CUBN: variants seen among roughly 807,000 people sequenced by gnomAD.
The protein encoded by CUBN is cubilin, also known as 460 kDa receptor.
In CUBN, 282 loss-of-function variants were observed where a neutral mutation model predicts 405.3. The ratio of observed to expected loss-of-function variants is 0.70; its 90% CI spans 0.63 to 0.77. The LOEUF (loss-of-function observed/expected upper bound fraction) is 0.77. Ranked by LOEUF, CUBN falls within the 30% of genes least tolerant of loss-of-function variation. The probability of loss-of-function intolerance (pLI) is 0.00; values close to 1 mark genes in which losing one functional copy is unlikely to be tolerated. For missense variants in CUBN, 4,514 were observed against 4,475.2 expected (o/e 1.01, Z -0.25); for synonymous variants, 1,684 against 1,617.0 (o/e 1.04, Z -0.99).
intron 36 of CUBN, among the ~76,000 whole-genome samples, chr10:16,943,472 T>C (rs1247967216): frequency 6.6e-6 from 1 of 152,226 alleles, no homozygotes; most frequent in African/African-American, 2.4e-5. Context: ...TCTAAATCCA[T>C]CTTTGGGATG....
In CUBN at chr10:16,920,051, C is replaced by T. The variant is rs1237546086; in HGVS notation, c.6733G>A (p.Ala2245Thr). The T allele has an allele frequency of 2.5e-6, 4 of 1,613,824 alleles. No individual in the cohort carries two copies. The highest frequency in any genetic ancestry group is 1.3e-5 in the African/African-American group (1 of 74,862). Residue 2245 changes from alanine to threonine, a missense_variant, in exon 44 of 67, where the codon GCT becomes ACT. By Grantham distance (58) the Ala-to-Thr change is moderately conservative. Around this residue, in one of 5 missense-constraint regions of CUBN, gnomAD observed 1,613 missense variants for 1,542.8 expected, o/e 1.05. Coordinates refer to ENST00000377833, the MANE Select transcript of CUBN (RefSeq NM_001081.4). ...GCCGCTAAGATCCAAATGCAATCAGCGTGCGGGGGATAATTATGAGGGTGG... is the reference window on the plus strand; with the variant it reads ...GCCGCTAAGATCCAAATGCAATCAGTGTGCGGGGGATAATTATGAGGGTGG... ...PNHPHNYPPHADCIWILAAPP... is the reference protein window; with the variant it reads ...PNHPHNYPPHTDCIWILAAPP...
intron 17 of CUBN, among the ~76,000 whole-genome samples, chr10:17,074,546 T>C (rs959447710): frequency 3.3e-5 from 5 of 152,216 alleles, no homozygotes; most frequent in African/African-American, 1.2e-4. Context: ...GCAATTTTAA[T>C]GCATACTGAA....
chr10:16,932,905 A>G (rs1842399531), intron 40 of CUBN, among the ~76,000 whole-genome samples, 182 bp downstream of exon 40: 1 of 152,076 alleles, frequency 6.6e-6, no homozygotes, highest in African/African-American at 2.4e-5. Context: ...GTGACCGGTA[A>G]TTTAATACTT....
At chr10:17,061,861 A>G (rs1175520341) in intron 22 of CUBN, among the ~76,000 whole-genome samples, 5 of 151,376 alleles carry the variant, frequency 3.3e-5, no homozygotes, top group Non-Finnish European at 5.9e-5. Flanking sequence ...CTAAGAGCTA[A>G]CCTAGACATG....
intron 56 of CUBN, among the ~76,000 whole-genome samples, chr10:16,887,610 C>T (rs762975109): frequency 1.3e-5 from 2 of 152,160 alleles, no homozygotes; most frequent in African/African-American, 2.4e-5. Flanking sequence ...AACTCTTCCT[C>T]GTACACTTTT....
chr10:16,907,479 TG>T (rs748558840), intron 49 of CUBN, 28 bp downstream of exon 49: 86 of 1,613,030 alleles, frequency 5.3e-5, no homozygotes, highest in Admixed American at 6.7e-5. Flanking sequence ...CTGATTAAAA[TG>T]GGGGGCATTT....
intron 22 of CUBN, among the ~76,000 whole-genome samples, chr10:17,056,382 G>A (rs1231106064): frequency 3.3e-5 from 5 of 152,020 alleles, no homozygotes; most frequent in Admixed American, 1.3e-4. Context: ...AAGACGAGGC[G>A]GGCGGATCAC....
intron 27 of CUBN, among the ~76,000 whole-genome samples, chr10:17,038,840 T>C (rs1253581513): frequency 2.0e-5 from 3 of 152,230 alleles, no homozygotes; most frequent in African/African-American, 7.2e-5. Context: ...AAGGCCTTTC[T>C]GAACTTCTGG....
intron 59 of CUBN, among the ~76,000 whole-genome samples, chr10:16,858,212 A>AAAGAC (rs1839914417): frequency 1.3e-5 from 2 of 152,234 alleles, no homozygotes; most frequent in Admixed American, 1.3e-4. Context: ...TCAACATAGT[A>AAAGAC]AAGACATCAG....
intron 22 of CUBN, among the ~76,000 whole-genome samples, chr10:17,065,134 C>G (rs557850855): frequency 7.1e-6 from 1 of 140,370 alleles, no homozygotes; most frequent in East Asian, 2.0e-4. Context: ...CTCTCTCCCC[C>G]CCCCCCCACA....
At chr10:16,904,978 C>T (rs1238660736) in intron 50 of CUBN, among the ~76,000 whole-genome samples, 2 of 152,154 alleles carry the variant, frequency 1.3e-5, no homozygotes, top group African/African-American at 4.8e-5. Context: ...AGGCCCTTGG[C>T]CCGTGGGTAC....
chr10:16,926,161 G>A (rs893402141), intron 41 of CUBN, among the ~76,000 whole-genome samples: 2 of 152,136 alleles, frequency 1.3e-5, no homozygotes, highest in Non-Finnish European at 2.9e-5. Context: ...GAAAAGCCAC[G>A]TCATTGGAGT....
Position 16,824,554 on chromosome 10 carries a change from C to T in CUBN, c.*421G>A, listed in dbSNP as rs189192228. ...TTTTTTTTTTGAGATGGAGTCTTGC[C>T]GTCTCGCCCAGGCTGGAGTGTAGTG... On this transcript the variant is annotated 3_prime_UTR_variant, in exon 67 of 67. Coordinates refer to ENST00000377833, the MANE Select transcript of CUBN (RefSeq NM_001081.4). 6 of 162,788 alleles carry T rather than the reference C, an allele frequency of 3.7e-5. No homozygotes were observed. Among genetic ancestry groups the T allele is most frequent in the South Asian group, 3.2e-4 (2 of 6,288 alleles). 10.1% of individuals were successfully genotyped at this position (162,788 alleles called of 1,614,324 possible).
intron 26 of CUBN, among the ~76,000 whole-genome samples, chr10:17,043,126 C>T (rs1835052433): frequency 6.6e-6 from 1 of 152,150 alleles, no homozygotes; most frequent in Admixed American, 6.5e-5. Context: ...CTAATTTAAT[C>T]TCCTTTTCTA....
chr10:16,856,115 G>T (rs1266128317), intron 59 of CUBN, among the ~76,000 whole-genome samples: 1 of 152,168 alleles, frequency 6.6e-6, no homozygotes, highest in East Asian at 1.9e-4. Context: ...GCATCAGAAA[G>T]TCATATATAT....
intron 22 of CUBN, among the ~76,000 whole-genome samples, chr10:17,063,085 C>G (rs1420393264): frequency 6.6e-6 from 1 of 152,176 alleles, no homozygotes; most frequent in African/African-American, 2.4e-5. Flanking sequence ...CAGCCCAACA[C>G]CAGCTCAGTC....
intron 9 of CUBN, among the ~76,000 whole-genome samples, chr10:17,110,526 A>C (rs1463800695): frequency 6.6e-6 from 1 of 152,086 alleles, no homozygotes. Flanking sequence ...CAGAAATAAT[A>C]TTTTATTTTT....
chr10:16,872,497 G>T (rs775717284), intron 58 of CUBN, among the ~76,000 whole-genome samples: 3 of 152,040 alleles, frequency 2.0e-5, no homozygotes, highest in African/African-American at 7.2e-5. Flanking sequence ...GGGGCCTATG[G>T]GAGGTGATTA....
intron 27 of CUBN, among the ~76,000 whole-genome samples, chr10:17,029,702 A>C (rs978599950): frequency 2.5e-4 from 38 of 152,234 alleles, no homozygotes; most frequent in Non-Finnish European, 1.0e-4. Flanking sequence ...TCCAGGAAGC[A>C]TGACTCATCT....
Sources: gnomAD v4.1 joint callset for allele counts (sites outside exome capture counted in the v4.1 genomes callset) on GRCh38, gnomAD v4.1.1 for gene constraint, gnomAD v4.1.1 regional missense constraint, MANE v1.5 for transcripts, NCBI Gene and HGNC (gene_info 2026-07-23, HGNC 2026-07-21) for gene names.